Variants in RNF213 observed in about 807,000 individuals in gnomAD.
RNF213 encodes E3 ubiquitin-protein ligase RNF213.
RNF213 carries 341 observed loss-of-function variants against 514.4 expected under a neutral mutation model. That is an observed-to-expected ratio of 0.66 (90% confidence interval 0.61 to 0.73). The LOEUF (loss-of-function observed/expected upper bound fraction) is 0.73, where lower values mean the gene tolerates loss of function less well. RNF213 is among the 30% of genes least tolerant of loss of function. The pLI is 0.00. For missense variants in RNF213, 5,767 were observed against 6,615.6 expected (o/e 0.87, Z 4.45); for synonymous variants, 2,655 against 2,658.2 (o/e 1.00, Z 0.04).
At chr17:80,319,352 C>T (rs1326017778) in intron 17 of RNF213, 40 bp downstream of exon 17, 2 of 1,614,238 alleles carry the variant, frequency 1.2e-6, no homozygotes, top group Admixed American at 1.7e-5. Context: ...TTCGGGCTCA[C>T]AGCTGTGTTC....
chr17:80,323,199 A>G (rs998660802), intron 17 of RNF213, among the ~76,000 whole-genome samples: 2 of 152,206 alleles, frequency 1.3e-5, no homozygotes, highest in Non-Finnish European at 2.9e-5. Flanking sequence ...TTGACGATAC[A>G]TGTATGGATT....
chr17:80,285,229 C>T (rs1054065405), intron 3 of RNF213, among the ~76,000 whole-genome samples: 1 of 152,236 alleles, frequency 6.6e-6, no homozygotes, highest in African/African-American at 2.4e-5. Context: ...CATCTGCTGT[C>T]TCCACTTTAA....
chr17:80,292,347 T>G (rs1425884037), intron 8 of RNF213, among the ~76,000 whole-genome samples: 1 of 151,978 alleles, frequency 6.6e-6, no homozygotes, highest in Non-Finnish European at 1.5e-5. Context: ...GGATTACAGG[T>G]GTAAGCCACT....
At chr17:80,285,603 T>A (rs1314007283) in intron 3 of RNF213, among the ~76,000 whole-genome samples, 1 of 151,936 alleles carries the variant, frequency 6.6e-6, no homozygotes, top group African/African-American at 2.4e-5. Context: ...GGCTGATACC[T>A]GCTGATGACG....
intron 3 of RNF213, among the ~76,000 whole-genome samples, chr17:80,286,904 T>C (rs977097388): frequency 3.3e-5 from 5 of 152,188 alleles, no homozygotes; most frequent in Middle Eastern, 3.2e-3. Flanking sequence ...ATGGGGACCG[T>C]ACACCTGAAC....
rs190324494 is a variant in RNF213, at chr17:80,384,014, A to G, written c.14322+86A>G. The G allele has an allele frequency of 5.6e-4, 852 of 1,513,372 alleles. 3 individuals are homozygous for G. The highest frequency in any genetic ancestry group is 1.3e-3 in the South Asian group (113 of 88,416). The allele number at this position is 1,513,372 out of a possible 1,614,324, so 93.7% of individuals were successfully genotyped here. Reference sequence around the variant, plus strand: ...AAGGCCCTGGGCTTTTACGTAGTATAATCATTCTTAACAGACTATTCCAGT... The same window carrying G: ...AAGGCCCTGGGCTTTTACGTAGTATGATCATTCTTAACAGACTATTCCAGT... On this transcript the variant is annotated intron_variant, in intron 59 of 67. Coordinates refer to ENST00000582970, the MANE Select transcript of RNF213 (RefSeq NM_001256071.3).
rs954846345 is a variant in RNF213 at position 80,294,030 on chromosome 17, C to G, written c.1472-690C>G. ...TGAGGAGGCCTGTCCGGGCGCTTCC[C>G]ATTTCTGCCTGATTTTTACTTCTGT... On this transcript the variant is annotated intron_variant, in intron 8 of 67. Coordinates refer to ENST00000582970, the MANE Select transcript of RNF213 (RefSeq NM_001256071.3). 7.2e-5 allele frequency among the ~76,000 whole-genome samples: 11 copies of G among 152,306 alleles called. No individual in the cohort carries two copies. In the East Asian group the frequency reaches 2.1e-3, roughly 29 times the overall value.
intron 3 of RNF213, among the ~76,000 whole-genome samples, chr17:80,281,809 C>T (rs911383894): frequency 6.6e-6 from 1 of 152,154 alleles, no homozygotes; most frequent in Admixed American, 6.6e-5. Flanking sequence ...TATGAAACGG[C>T]GTGGCATTGG....
chr17:80,273,043 C>G (rs1655116769), intron 2 of RNF213, among the ~76,000 whole-genome samples, 198 bp from the exon 3 acceptor site: 2 of 152,080 alleles, frequency 1.3e-5, no homozygotes, highest in Admixed American at 6.6e-5. Flanking sequence ...CCTTGTTGTG[C>G]TGAAACTGGG....
intron 26 of RNF213, among the ~76,000 whole-genome samples, chr17:80,342,690 C>CTA (rs953543539): frequency 1.6e-3 from 230 of 143,654 alleles, no homozygotes; most frequent in Middle Eastern, 0.014. Flanking sequence ...TCCATATATA[C>CTA]TATATATATT....
In RNF213 at chr17:80,364,530, G is replaced by A. The variant is rs149449382; in HGVS notation, c.11848G>A (p.Glu3950Lys). The A allele has an allele frequency of 1.9e-5, 30 of 1,614,032 alleles. No individual in the cohort carries two copies. The highest frequency in any genetic ancestry group is 1.6e-4 in the Middle Eastern group (1 of 6,084). Reference protein sequence around the residue: ...RVPELQGLVTEHVFLLDKCLR... With the variant: ...RVPELQGLVTKHVFLLDKCLR... The stretch of plus-strand genomic sequence containing the variant: ...CCCCGAGTTACAGGGGCTGGTGACC[G>A]AGCACGTCTTCTTACTAGACAAGGT... Residue 3950 changes from glutamate to lysine, a missense_variant, in exon 42 of 68, where the codon GAG (glutamate) becomes AAG (lysine). By Grantham distance (56) the Glu-to-Lys change is moderately conservative. Around this residue, in one of 13 missense-constraint regions of RNF213, gnomAD observed 355 missense variants for 358.0 expected, o/e 0.99. Coordinates refer to ENST00000582970, the MANE Select transcript of RNF213 (RefSeq NM_001256071.3).
In RNF213 at chr17:80,289,016, G is replaced by A. The variant is rs72849822; in HGVS notation, c.933+261G>A. 0.12 allele frequency among the ~76,000 whole-genome samples: 18,371 copies of A among 152,194 alleles called. 1,428 individuals are homozygous for A. Among genetic ancestry groups the A allele is most frequent in the East Asian group, 0.33 (1,689 of 5,134 alleles). ...CATGGCACCCACAGCCCGAGTGGCC[G>A]GGCGAGGCCTCTCTTAGGAGGTGGT... On this transcript the variant is annotated intron_variant, in intron 5 of 67. Transcript: ENST00000582970.
intron 39 of RNF213, 59 bp downstream of exon 39, chr17:80,361,947 T>G (rs2079071519): frequency 6.4e-7 from 1 of 1,569,896 alleles, no homozygotes; most frequent in Non-Finnish European, 8.7e-7. Flanking sequence ...GGGGACTGGA[T>G]GCAGACACGG....
At position 80,345,779 on chromosome 17, in the gene RNF213, A is replaced by G. The variant is rs575248053; in HGVS notation, c.7444A>G (p.Thr2482Ala). The change falls in exon 29 of 68, where the codon ACC (threonine) becomes GCC (alanine). Residue 2482 changes from threonine to alanine, a missense_variant. Around this residue, in one of 13 missense-constraint regions of RNF213, gnomAD observed 1,377 missense variants for 1,635.2 expected, o/e 0.84. Coordinates refer to ENST00000582970, the MANE Select transcript of RNF213 (RefSeq NM_001256071.3). The surrounding 1 kb of genome is among the most constrained non-coding windows in gnomAD (Gnocchi z 6.0). Reference sequence around the variant, plus strand: ...CAATAAGGACCAACATCAGTTGGACACCATCTTGTTTTTTGATGAAGCCAA... The same window carrying G: ...CAATAAGGACCAACATCAGTTGGACGCCATCTTGTTTTTTGATGAAGCCAA... ...FANKDQHQLD[T>A]ILFFDEANTT... 20 of 1,614,208 alleles carry G rather than the reference A, an allele frequency of 1.2e-5. No individual in the cohort carries two copies. The South Asian group carries it at 1.9e-4, about 15-fold the overall frequency.
chr17:80,388,425 A>G, intron 63 of RNF213, 187 bp from the exon 64 acceptor site: 1 of 625,392 alleles, frequency 1.6e-6, no homozygotes, highest in Non-Finnish European at 2.9e-6. Flanking sequence ...ACTCCGCTGG[A>G]TTCCCGGTTG....
chr17:80,272,183 C>G (rs2043845939), intron 2 of RNF213, among the ~76,000 whole-genome samples: 1 of 151,868 alleles, frequency 6.6e-6, no homozygotes, highest in African/African-American at 2.4e-5. Flanking sequence ...ACTTGGGAGG[C>G]CGAGGCAGGA....
intron 62 of RNF213, 98 bp downstream of exon 62, chr17:80,386,528 G>C: frequency 1.4e-6 from 2 of 1,457,166 alleles, no homozygotes; most frequent in Middle Eastern, 2.1e-4. Flanking sequence ...TTCCCTAACA[G>C]ACACTCACTC....
At position 80,336,243 on chromosome 17, in the gene RNF213, C is replaced by T; in HGVS notation, c.4392C>T (p.Cys1464=). ...ENDIDVDRVA[C]FHDAVQGYAS... Reference sequence around the variant, plus strand: ...ACATTGATGTGGACCGGGTGGCCTGCTTCCATGACGCTGTGCAGGGCTACG... The same window carrying T: ...ACATTGATGTGGACCGGGTGGCCTGTTTCCATGACGCTGTGCAGGGCTACG... The change falls in exon 23 of 68, where the codon TGC becomes TGT. Residue 1464 remains cysteine, a synonymous_variant. Transcript: ENST00000582970. 3 of 1,537,256 alleles carry T rather than the reference C, an allele frequency of 2.0e-6. No homozygotes were observed. Among genetic ancestry groups the T allele is most frequent in the Non-Finnish European group, 2.6e-6 (3 of 1,146,920 alleles).
intron 61 of RNF213, 104 bp downstream of exon 61, chr17:80,385,725 G>A: frequency 6.2e-6 from 6 of 969,272 alleles, no homozygotes; most frequent in Non-Finnish European, 9.7e-6. Context: ...ACCCAGCACT[G>A]TGTTTGTTTG....
Sources: allele counts gnomAD v4.1 joint callset (sites outside exome capture counted in the v4.1 genomes callset), GRCh38; gene constraint gnomAD v4.1.1; regional missense constraint gnomAD v4.1.1; non-coding constraint Gnocchi (gnomAD v3.1); transcripts MANE v1.5; gene names NCBI Gene and HGNC (gene_info 2026-07-23, HGNC 2026-07-21).